The following RBBP7 variants were observed in gnomAD, a reference collection of about 807,000 sequenced individuals.
RBBP7 encodes RB binding protein 7, chromatin remodeling factor.
A neutral mutation model predicts 35.2 loss-of-function variants in RBBP7; 5 were observed. The ratio of observed to expected loss-of-function variants is 0.14; its 90% confidence interval spans 0.07 to 0.30. RBBP7 has a LOEUF of 0.30. Ranked by LOEUF, RBBP7 falls within the 10% of genes least tolerant of loss-of-function variation. The pLI is 1.00. For synonymous variants in RBBP7, 140 were observed against 118.7 expected (o/e 1.18, Z -1.17); for missense variants, 155 against 327.5 (o/e 0.47, Z 4.07).
chrX:16,860,393 T>C (rs1479223874), intron 3 of RBBP7, among the ~76,000 whole-genome samples: 4 of 111,252 alleles, frequency 3.6e-5, no homozygotes, highest in Non-Finnish European at 7.5e-5. Flanking sequence ...CATTAAAAAA[T>C]GTAACTCAAT....
chrX:16,869,789 G>A, intron 1 of RBBP7: 3 of 936,050 alleles, frequency 3.2e-6, no homozygotes, highest in Non-Finnish European at 2.7e-6. Flanking sequence ...AGGGAGCGCA[G>A]CCGCTGGAGG....
intron 9 of RBBP7, among the ~76,000 whole-genome samples, chrX:16,851,665 T>G (rs1930216338): frequency 8.9e-6 from 1 of 111,951 alleles, no homozygotes; most frequent in Non-Finnish European, 1.9e-5. Context: ...AAGTAAATGG[T>G]ACAAAAACCC....
At chrX:16,851,699 G>A (rs1445660745) in intron 9 of RBBP7, among the ~76,000 whole-genome samples, 3 of 112,165 alleles carry the variant, frequency 2.7e-5, no homozygotes, top group Non-Finnish European at 3.8e-5. Flanking sequence ...CTGCCTACAC[G>A]TACTGAGATC....
chrX:16,848,278 GAAA>G (rs899047023), intron 10 of RBBP7: 3 of 108,936 alleles, frequency 2.8e-5, no homozygotes, highest in African/African-American at 1.0e-4. Context: ...AACAAAAAAA[GAAA>G]AAAAACCCCC....
intron 2 of RBBP7, among the ~76,000 whole-genome samples, chrX:16,867,841 GT>G (rs746976479): frequency 1.5e-3 from 142 of 95,411 alleles, no homozygotes; most frequent in East Asian, 3.2e-3. Flanking sequence ...GCCACGCCCG[GT>G]TTTTTTTTTT....
chrX:16,858,633 A>C (rs1426445674), intron 4 of RBBP7, 43 bp downstream of exon 4: 2 of 1,186,141 alleles, frequency 1.7e-6, no homozygotes, highest in Non-Finnish European at 2.3e-6. Flanking sequence ...AGTTTGAATC[A>C]AGAAAACTGC....
Position 16,856,466 on chromosome X carries a change from G to T in RBBP7, c.597+1128C>A, listed in dbSNP as rs1162817814. Among the ~76,000 whole-genome samples the T allele has an allele frequency of 5.4e-5, 6 of 110,622 alleles. No individual in the cohort carries two copies. In the East Asian group the frequency reaches 1.7e-3, roughly 31 times the overall value. The stretch of plus-strand genomic sequence containing the variant: ...AATCGCTTGGACCTGAGAGGTGGAG[G>T]TTGCAGTGAGCTGAGATCGTGCCAC... On this transcript the variant is annotated intron_variant, in intron 5 of 11. Coordinates refer to ENST00000380087, the MANE Select transcript of RBBP7 (RefSeq NM_002893.4).
At chrX:16,858,949 C>T in intron 3 of RBBP7, 100 bp from the exon 4 acceptor site, 1 of 1,082,345 alleles carries the variant, frequency 9.2e-7, no homozygotes, top group East Asian at 3.1e-5. Flanking sequence ...TGGCAGAATA[C>T]AACACAAACT....
rs201656534 is a variant in RBBP7 at position 16,844,999 on chromosome X, A to T, written c.*36T>A. On this transcript the variant is annotated 3_prime_UTR_variant, in exon 12 of 12. Coordinates refer to ENST00000380087, the MANE Select transcript of RBBP7 (RefSeq NM_002893.4). ...TTGATAAATCAAGCATTCATGTAGCATTACATTCAACAGAAACATTTCTCG... is the reference window on the plus strand; with the variant it reads ...TTGATAAATCAAGCATTCATGTAGCTTTACATTCAACAGAAACATTTCTCG... 2.6e-6 allele frequency: 3 copies of T among 1,157,251 alleles called. No homozygotes were observed. The highest frequency in any genetic ancestry group is 3.5e-6 in the Non-Finnish European group (3 of 847,053).
chrX:16,865,087 A>AAAAAAAAAAAAAAAAAAAAAC, intron 2 of RBBP7, among the ~76,000 whole-genome samples: 1 of 104,017 alleles, frequency 9.6e-6, no homozygotes, highest in Non-Finnish European at 2.0e-5. Flanking sequence ...AAAAAAAAAA[A>AAAAAAAAAAAAAAAAAAAAAC]AAAGAATAAA....
intron 8 of RBBP7, 74 bp downstream of exon 8, chrX:16,852,477 G>T: frequency 9.3e-7 from 1 of 1,077,905 alleles, no homozygotes; most frequent in African/African-American, 1.8e-5. Context: ...GGACCCACGA[G>T]TCTGGTATAG....
chrX:16,853,234 G>T (rs1039050715), intron 6 of RBBP7: 4 of 196,142 alleles, frequency 2.0e-5, no homozygotes, highest in Non-Finnish European at 3.7e-5. Context: ...TTCTTTATAA[G>T]ATTATAAGTG....
chrX:16,861,056 C>T (rs1176245182), intron 3 of RBBP7, among the ~76,000 whole-genome samples: 1 of 111,099 alleles, frequency 9.0e-6, no homozygotes, highest in African/African-American at 3.3e-5. Context: ...CGCCTGTAAT[C>T]CCAGCTACTC....
chrX:16,853,103 T>A (rs2147517000), intron 6 of RBBP7: 2 of 421,197 alleles, frequency 4.7e-6, no homozygotes, highest in East Asian at 8.1e-5. Context: ...ATTCCTATTT[T>A]AATTACCAAC....
chrX:16,866,188 A>G lies in RBBP7; in HGVS notation c.161+2888T>C, dbSNP rs182268182. The stretch of plus-strand genomic sequence containing the variant: ...AATATATTTAAGACATTATTCAACA[A>G]GAGATATGAAATAACTATCTAATTA... On this transcript the variant is annotated intron_variant, in intron 2 of 11. Transcript: ENST00000380087. 2.7e-5 allele frequency among the ~76,000 whole-genome samples: 3 copies of G among 111,897 alleles called. No homozygotes were observed. In the East Asian group the frequency reaches 8.3e-4, roughly 31 times the overall value.
At chrX:16,868,334 C>T (rs1008493478) in intron 2 of RBBP7, among the ~76,000 whole-genome samples, 4 of 112,363 alleles carry the variant, frequency 3.6e-5, no homozygotes, top group Non-Finnish European at 7.5e-5. Context: ...AATGCAGGGA[C>T]CAGCTGTGTG....
chrX:16,854,285 T>C (rs1230155409), intron 5 of RBBP7, among the ~76,000 whole-genome samples: 1 of 111,063 alleles, frequency 9.0e-6, no homozygotes, highest in Non-Finnish European at 1.9e-5. Context: ...AGAGAAAATA[T>C]AAGCAAACAG....
intron 2 of RBBP7, among the ~76,000 whole-genome samples, chrX:16,866,832 A>T (rs1743538697): frequency 1.8e-5 from 2 of 110,607 alleles, no homozygotes; most frequent in Admixed American, 9.7e-5. Flanking sequence ...GCACCACACA[A>T]CAATCCTCAA....
rs771892724 is a variant in RBBP7 at position 16,869,678 on chromosome X, G to A, written c.16+360C>T. Reference sequence around the variant, plus strand: ...CCCCAGCAACCCCCGGACAAGGGCCGCGACCCCGAGGCGGTCAACGCGCGC... The same window carrying A: ...CCCCAGCAACCCCCGGACAAGGGCCACGACCCCGAGGCGGTCAACGCGCGC... On this transcript the variant is annotated intron_variant, in intron 1 of 11. Transcript: ENST00000380087. 2.5e-5 allele frequency: 27 copies of A among 1,065,354 alleles called. No individual in the cohort carries two copies. In the South Asian group the frequency reaches 7.6e-4, roughly 30 times the overall value. 87.8% of individuals were successfully genotyped at this position (1,065,354 alleles called of 1,213,427 possible).
Sources: gnomAD v4.1 joint callset for allele counts (sites outside exome capture counted in the v4.1 genomes callset) on GRCh38, gnomAD v4.1.1 for gene constraint, MANE v1.5 for transcripts, NCBI Gene and HGNC (gene_info 2026-07-23, HGNC 2026-07-21) for gene names.